Variants in HEBP1 observed in about 807,000 individuals in gnomAD.
The protein encoded by HEBP1 is heme binding protein 1, also known as heme-binding protein 1.
In HEBP1, 13 loss-of-function variants were observed where a neutral mutation model predicts 20.4. The ratio of observed to expected loss-of-function variants is 0.64; its 90% CI spans 0.42 to 1.01. HEBP1 has a LOEUF of 1.01. HEBP1 is among the 50% of genes least tolerant of loss of function. The probability of loss-of-function intolerance (pLI) is 0.00; values close to 1 mark genes in which losing one functional copy is unlikely to be tolerated. For missense variants in HEBP1, 241 were observed against 247.3 expected (o/e 0.97, Z 0.17); for synonymous variants, 92 against 90.7 (o/e 1.01, Z -0.08).
Position 13,000,098 on chromosome 12 carries a change from T to G in HEBP1, c.17A>C (p.Lys6Thr), listed in dbSNP as rs931791231. 2 of 1,612,186 alleles carry G rather than the reference T, an allele frequency of 1.2e-6. No individual in the cohort carries two copies. Among genetic ancestry groups the G allele is most frequent in the Non-Finnish European group, 1.7e-6 (2 of 1,179,108 alleles). ...CTCTACGCTTCCGAACAGCGAGTTC[T>G]TGATCATGCCCAACATGTTGTAGCC... MLGMI[K>T]NSLFGSVETW... The change falls in exon 1 of 4, where the codon AAG becomes ACG. Residue 6 changes from lysine (K) to threonine (T), a missense_variant. Transcript: ENST00000014930.
At chr12:12,991,194 GC>G (rs1168624399) in intron 1 of HEBP1, among the ~76,000 whole-genome samples, 2 of 152,146 alleles carry the variant, frequency 1.3e-5, no homozygotes, top group Non-Finnish European at 2.9e-5. Context: ...AACCCACTGG[GC>G]AGTTACACCA....
intron 3 of HEBP1, chr12:12,980,177 G>A (rs967638395): frequency 6.6e-6 from 1 of 152,266 alleles, no homozygotes; most frequent in Non-Finnish European, 1.5e-5. Flanking sequence ...GCAACAGGAA[G>A]AGAGGCTTCA....
chr12:12,989,508 T>C (rs1415208508), intron 1 of HEBP1, 93 bp from the exon 2 acceptor site: 2 of 1,218,598 alleles, frequency 1.6e-6, no homozygotes, highest in Admixed American at 3.7e-5. Flanking sequence ...AAACTTTCCT[T>C]GGTGGGTATG....
intron 1 of HEBP1, among the ~76,000 whole-genome samples, chr12:12,991,781 TC>T (rs931932724): frequency 1.2e-4 from 18 of 152,348 alleles, no homozygotes; most frequent in African/African-American, 4.3e-4. Context: ...TTTTGTTCCT[TC>T]CCCTATCCTG....
chr12:12,987,037 C>T lies in HEBP1; in HGVS notation c.398+115G>A, dbSNP rs573174591. On this transcript the variant is annotated intron_variant, in intron 3 of 3. Coordinates refer to ENST00000014930, the MANE Select transcript of HEBP1 (RefSeq NM_015987.5). ...AACTGTTAGGATTCAGCATTTCCTA[C>T]TTAAATTAATTCAGCAACCATAAAA... 6.6e-4 allele frequency: 530 copies of T among 803,322 alleles called. 8 individuals are homozygous for T. The South Asian group carries it at 8.9e-3, about 14-fold the overall frequency. 49.8% of individuals were successfully genotyped at this position (803,322 alleles called of 1,614,324 possible).
chr12:13,000,248 A>C lies in HEBP1; in HGVS notation c.-134T>G, dbSNP rs1036063783. 6.5e-6 allele frequency: 1 copy of C among 153,168 alleles called. No homozygotes were observed. The highest frequency in any genetic ancestry group is 6.5e-5 in the East Asian group (1 of 15,418). 9.5% of individuals were successfully genotyped at this position (153,168 alleles called of 1,614,324 possible). ...AGGGCGGCAGGGTGGCAGGGCGGCA[A>C]GGCGGCGGGACGGCGAGGCGGCGAG... On this transcript the variant is annotated 5_prime_UTR_variant, in exon 1 of 4. Coordinates refer to ENST00000014930, the MANE Select transcript of HEBP1 (RefSeq NM_015987.5).
chr12:12,978,970 C>T (rs940569472), intron 3 of HEBP1: 1 of 152,080 alleles, frequency 6.6e-6, no homozygotes, highest in Admixed American at 6.6e-5. Context: ...TCAGAGATAC[C>T]AATTTGGGAA....
Position 13,000,192 on chromosome 12 carries a change from C to CGGCGGCAGGGCGGCAG in HEBP1, c.-94_-79dup, listed in dbSNP as rs878915334. On this transcript the variant is annotated 5_prime_UTR_variant, in exon 1 of 4. Coordinates refer to ENST00000014930, the MANE Select transcript of HEBP1 (RefSeq NM_015987.5). ...ACGGAGCACCACGGGCAGCGACCAC[C>CGGCGGCAGGGCGGCAG]GGCGGCAGGGCGGCAGGGCGGCAGG... is the stretch of plus-strand genomic sequence containing the variant. 0.2 allele frequency: 115,909 copies of CGGCGGCAGGGCGGCAG among 584,628 alleles called. 30,659 individuals carry two copies. Among genetic ancestry groups the CGGCGGCAGGGCGGCAG allele is most frequent in the Non-Finnish European group, 0.23 (77,240 of 340,514 alleles). The allele number at this position is 584,628 out of a possible 1,614,324, so 36.2% of individuals were successfully genotyped here.
intron 2 of HEBP1, among the ~76,000 whole-genome samples, chr12:12,988,752 G>A (rs1470311159): frequency 6.6e-6 from 1 of 152,130 alleles, no homozygotes; most frequent in African/African-American, 2.4e-5. Flanking sequence ...TGGCCAGCAT[G>A]AACTGCCAAG....
chr12:12,994,083 G>A (rs908286411), intron 1 of HEBP1, among the ~76,000 whole-genome samples: 7 of 152,332 alleles, frequency 4.6e-5, no homozygotes, highest in African/African-American at 1.7e-4. Flanking sequence ...GGATAATCAG[G>A]AGGATGGTGA....
intron 1 of HEBP1, among the ~76,000 whole-genome samples, chr12:12,994,027 C>T (rs1864261994): frequency 6.6e-6 from 1 of 152,064 alleles, no homozygotes; most frequent in African/African-American, 2.4e-5. Flanking sequence ...TAAACATTGT[C>T]GAAAACCTTT....
chr12:12,998,322 T>A lies in HEBP1; in HGVS notation c.78+1715A>T, dbSNP rs850939. 0.51 allele frequency among the ~76,000 whole-genome samples: 77,297 copies of A among 152,028 alleles called. 20,903 individuals carry two copies. Among genetic ancestry groups the A allele is most frequent in the South Asian group, 0.63 (3,017 of 4,824 alleles). Reference sequence around the variant, plus strand: ...TCAAAAAACAGTTTTTGTCGAATTATTTTTAAATTGGGTGATTTCGCTAAG... The same window carrying A: ...TCAAAAAACAGTTTTTGTCGAATTAATTTTAAATTGGGTGATTTCGCTAAG... On this transcript the variant is annotated intron_variant, in intron 1 of 3. Transcript: ENST00000014930. This position sits in a 1 kb window ranked among gnomAD's most constrained non-coding sequence, Gnocchi z 4.2.
rs570873493 is a variant in HEBP1, at chr12:12,988,223, A to T, written c.218-891T>A. Among the ~76,000 whole-genome samples the T allele has an allele frequency of 6.6e-5, 10 of 152,276 alleles. No individual in the cohort carries two copies. The South Asian group carries it at 1.0e-3, about 16-fold the overall frequency. ...CTAAAAAATACATTCAAAAGACAACATTGATTGTATTGAATGGGGGAATTA... is the reference window on the plus strand; with the variant it reads ...CTAAAAAATACATTCAAAAGACAACTTTGATTGTATTGAATGGGGGAATTA... On this transcript the variant is annotated intron_variant, in intron 2 of 3. Coordinates refer to ENST00000014930, the MANE Select transcript of HEBP1 (RefSeq NM_015987.5).
At chr12:12,981,963 T>C (rs1864089806) in intron 3 of HEBP1, among the ~76,000 whole-genome samples, 1 of 152,172 alleles carries the variant, frequency 6.6e-6, no homozygotes, top group Non-Finnish European at 1.5e-5. Context: ...TGAAGCTCTT[T>C]TGTTCATGTA....
At chr12:12,999,338 C>A (rs1476752983) in intron 1 of HEBP1, among the ~76,000 whole-genome samples, 1 of 152,158 alleles carries the variant, frequency 6.6e-6, no homozygotes, top group East Asian at 1.9e-4. Flanking sequence ...TAACAATATG[C>A]CAGCATTGCT....
chr12:12,989,226 C>T (rs1278490989), intron 2 of HEBP1, 51 bp downstream of exon 2: 6 of 1,603,530 alleles, frequency 3.7e-6, no homozygotes, highest in African/African-American at 1.3e-5. Flanking sequence ...GAAGTGAGAC[C>T]TTGCAAAGCT....
chr12:12,990,132 A>G (rs1864202734), intron 1 of HEBP1, among the ~76,000 whole-genome samples: 2 of 150,674 alleles, frequency 1.3e-5, no homozygotes, highest in African/African-American at 4.9e-5. Context: ...ACACACACAC[A>G]CACACACACA....
chr12:12,982,249 T>A (rs989936232), intron 3 of HEBP1, among the ~76,000 whole-genome samples: 1 of 152,194 alleles, frequency 6.6e-6, no homozygotes, highest in African/African-American at 2.4e-5. Context: ...TGCAATTGAT[T>A]ATAAGTGAAG....
intron 1 of HEBP1, among the ~76,000 whole-genome samples, chr12:12,997,903 A>T (rs552000715): frequency 6.6e-6 from 1 of 152,224 alleles, no homozygotes; most frequent in Admixed American, 6.5e-5. Flanking sequence ...GAGTAGGGCA[A>T]CTACTTGATG....
Sources: allele counts gnomAD v4.1 joint callset (sites outside exome capture counted in the v4.1 genomes callset), GRCh38; gene constraint gnomAD v4.1.1; non-coding constraint Gnocchi (gnomAD v3.1); transcripts MANE v1.5; gene names NCBI Gene and HGNC (gene_info 2026-07-23, HGNC 2026-07-21).